Variants in KHDRBS2 observed in about 807,000 individuals in gnomAD.
KHDRBS2 encodes KH domain-containing, RNA-binding, signal transduction-associated protein 2.
A neutral mutation model predicts 44.3 loss-of-function variants in KHDRBS2; 26 were observed. The observed-to-expected ratio is 0.59, with a 90% confidence interval of 0.43 to 0.81. The LOEUF (loss-of-function observed/expected upper bound fraction) is 0.81. Among genes scored for constraint, KHDRBS2 ranks in the 40% least tolerant of loss-of-function variants. KHDRBS2 has a pLI of 0.00. For synonymous variants in KHDRBS2, 194 were observed against 151.1 expected (o/e 1.28, Z -2.08); for missense variants, 476 against 433.1 (o/e 1.10, Z -0.88).
intron 6 of KHDRBS2, among the ~76,000 whole-genome samples, chr6:61,788,408 T>C (rs1349187327): frequency 6.6e-6 from 1 of 151,422 alleles, no homozygotes; most frequent in Non-Finnish European, 1.5e-5. Context: ...AGAGAATAGG[T>C]TTTCTTCCAG....
the KHDRBS2 span, among the ~76,000 whole-genome samples, chr6:61,668,211 T>C: frequency 5.4e-4 from 82 of 151,158 alleles, no homozygotes; most frequent in Non-Finnish European, 2.4e-4. Flanking sequence ...TAAAATAGTG[T>C]GGTAAAATGA....
At chr6:61,729,601 A>G (rs1226594557) in intron 7 of KHDRBS2, among the ~76,000 whole-genome samples, 1 of 152,180 alleles carries the variant, frequency 6.6e-6, no homozygotes, top group Non-Finnish European at 1.5e-5. Context: ...ACTAACATTT[A>G]TTTGATAATT....
chr6:61,869,966 T>TG (rs1562339198), intron 6 of KHDRBS2, among the ~76,000 whole-genome samples: 1 of 94,340 alleles, frequency 1.1e-5, no homozygotes, highest in African/African-American at 4.9e-5. Flanking sequence ...GCAGGAGTGT[T>TG]TTTTTTTTTT....
chr6:61,938,134 A>G (rs1172070107), intron 4 of KHDRBS2, among the ~76,000 whole-genome samples: 5 of 152,138 alleles, frequency 3.3e-5, no homozygotes, highest in Non-Finnish European at 1.5e-5. Context: ...AAATATAAAT[A>G]TAAGTCTCAA....
intron 4 of KHDRBS2, among the ~76,000 whole-genome samples, chr6:61,933,640 G>A (rs1444315542): frequency 6.6e-6 from 1 of 152,068 alleles, no homozygotes; most frequent in Admixed American, 6.6e-5. Context: ...CTCTAAACCT[G>A]TTCAGCATGT....
intron 6 of KHDRBS2, among the ~76,000 whole-genome samples, chr6:61,825,132 G>A (rs1376755374): frequency 6.6e-6 from 1 of 152,012 alleles, no homozygotes; most frequent in Non-Finnish European, 1.5e-5. Context: ...TTAGACAAAA[G>A]CATGTAGAAA....
At chr6:62,149,684 G>T (rs1195025416) in intron 2 of KHDRBS2, among the ~76,000 whole-genome samples, 6 of 152,094 alleles carry the variant, frequency 3.9e-5, no homozygotes, top group Non-Finnish European at 1.5e-5. Context: ...CACTTTGAAA[G>T]AATTTGACAG....
chr6:61,618,607 T>C, the KHDRBS2 span, among the ~76,000 whole-genome samples: 1 of 152,176 alleles, frequency 6.6e-6, no homozygotes, highest in Non-Finnish European at 1.5e-5. Flanking sequence ...ATTTTTCTTG[T>C]TCCTCTCCCT....
intron 1 of KHDRBS2, among the ~76,000 whole-genome samples, chr6:62,189,717 G>A (rs927417212): frequency 3.3e-5 from 5 of 152,108 alleles, no homozygotes; most frequent in African/African-American, 1.2e-4. Flanking sequence ...GAGGTTTGCT[G>A]TAGATAGAAT....
chr6:61,811,343 A>G (rs758360468), intron 6 of KHDRBS2, among the ~76,000 whole-genome samples: 3 of 152,214 alleles, frequency 2.0e-5, no homozygotes, highest in South Asian at 2.1e-4. Context: ...ACTTTATCCA[A>G]TCCACCACTG....
At chr6:61,791,319 A>C (rs1166306575) in intron 6 of KHDRBS2, among the ~76,000 whole-genome samples, 6 of 151,280 alleles carry the variant, frequency 4.0e-5, no homozygotes, top group Admixed American at 4.0e-4. Flanking sequence ...CTTTCAAAAA[A>C]ATATTTGCTT....
intron 6 of KHDRBS2, among the ~76,000 whole-genome samples, chr6:61,778,499 A>G (rs182907374): frequency 2.6e-5 from 4 of 152,332 alleles, no homozygotes; most frequent in Non-Finnish European, 4.4e-5. Context: ...AGGCATAGTA[A>G]ACATGACTTA....
chr6:62,206,538 A>G (rs933931426), intron 1 of KHDRBS2, among the ~76,000 whole-genome samples: 46 of 152,048 alleles, frequency 3.0e-4, no homozygotes, highest in Non-Finnish European at 6.5e-4. Context: ...ATTTGTTTAA[A>G]TGTTTAAGTA....
rs150842555 is a variant in KHDRBS2, at chr6:61,980,676, G to A, written c.337-2464C>T. ...CAGTGTTCAGGACCCAGATGGCATG[G>A]CAAATTTCCAAATTCCTACCACTAT... On this transcript the variant is annotated intron_variant, in intron 3 of 8. Transcript: ENST00000281156. Among the ~76,000 whole-genome samples the A allele has an allele frequency of 3.2e-3, 484 of 152,214 alleles. 4 individuals carry two copies. The highest frequency in any genetic ancestry group is 0.011 in the African/African-American group (456 of 41,536).
chr6:62,128,770 A>T (rs1562927731), intron 2 of KHDRBS2, among the ~76,000 whole-genome samples: 1 of 151,992 alleles, frequency 6.6e-6, no homozygotes, highest in Non-Finnish European at 1.5e-5. Flanking sequence ...TCCTTCTTCC[A>T]GATGTAAACA....
intron 4 of KHDRBS2, among the ~76,000 whole-genome samples, chr6:61,955,890 G>A (rs1767121715): frequency 6.6e-6 from 1 of 151,996 alleles, no homozygotes; most frequent in Admixed American, 6.6e-5. Context: ...AGATTATGAA[G>A]CTGAGACACA....
intron 4 of KHDRBS2, among the ~76,000 whole-genome samples, chr6:61,951,043 C>A (rs1456296316): frequency 6.6e-6 from 1 of 151,898 alleles, no homozygotes; most frequent in African/African-American, 2.4e-5. Context: ...AGATTGGCTG[C>A]AAATTTCATG....
At chr6:62,257,470 C>G (rs1837587337) in intron 1 of KHDRBS2, among the ~76,000 whole-genome samples, 1 of 152,024 alleles carries the variant, frequency 6.6e-6, no homozygotes, top group Non-Finnish European at 1.5e-5. Flanking sequence ...CTGCATGAAG[C>G]AATTAAGCCT....
chr6:62,279,039 A>T (rs1455081657), intron 1 of KHDRBS2, among the ~76,000 whole-genome samples: 1 of 152,156 alleles, frequency 6.6e-6, no homozygotes, highest in Non-Finnish European at 1.5e-5. Context: ...GCTTGCAGTG[A>T]GCTGAGATTG....
Sources: gnomAD v4.1 joint callset for allele counts (sites outside exome capture counted in the v4.1 genomes callset) on GRCh38, gnomAD v4.1.1 for gene constraint, MANE v1.5 for transcripts, NCBI Gene and HGNC (gene_info 2026-07-23, HGNC 2026-07-21) for gene names.